CXCL13: variants seen among roughly 807,000 people sequenced by gnomAD.
CXCL13 encodes C-X-C motif chemokine 13.
In CXCL13, 7 loss-of-function variants were observed where a neutral mutation model predicts 12.2. That is an observed-to-expected ratio of 0.57 (90% CI 0.33 to 1.07). The LOEUF (loss-of-function observed/expected upper bound fraction) is 1.07, where lower values mean the gene tolerates loss of function less well. CXCL13 is among the 50% of genes least tolerant of loss of function. The pLI is 0.04. For missense variants in CXCL13, 113 were observed against 127.4 expected (o/e 0.89, Z 0.55); for synonymous variants, 47 against 42.4 (o/e 1.11, Z -0.42).
intron 1 of CXCL13, among the ~76,000 whole-genome samples, chr4:77,607,094 T>A (rs372896725): frequency 3.0e-4 from 46 of 152,348 alleles, no homozygotes; most frequent in African/African-American, 1.1e-3. Context: ...GAGAGTCTGA[T>A]AGAGAAAACT....
chr4:77,565,763 C>T (rs1021218020), intron 1 of CXCL13, among the ~76,000 whole-genome samples: 6 of 152,070 alleles, frequency 3.9e-5, no homozygotes, highest in Admixed American at 2.6e-4. Context: ...CACTTTCTAC[C>T]TCATGTTACA....
intron 1 of CXCL13, among the ~76,000 whole-genome samples, chr4:77,549,537 G>A (rs1456224548): frequency 6.6e-6 from 1 of 152,212 alleles, no homozygotes; most frequent in Admixed American, 6.5e-5. Context: ...ATGTTCTTTT[G>A]TTGATGTTGG....
intron 1 of CXCL13, among the ~76,000 whole-genome samples, chr4:77,568,587 G>C (rs1263822319): frequency 1.3e-5 from 2 of 152,190 alleles, no homozygotes; most frequent in Non-Finnish European, 2.9e-5. Flanking sequence ...GGATGCGAGA[G>C]TCATGTTGTT....
upstream of CXCL13, among the ~76,000 whole-genome samples, chr4:77,601,457 C>A (rs1726880047): frequency 6.6e-6 from 1 of 152,102 alleles, no homozygotes; most frequent in Non-Finnish European, 1.5e-5. Flanking sequence ...AACTTCAGTA[C>A]ATTTGTATGA....
At chr4:77,583,795 G>A (rs1726391364) in intron 1 of CXCL13, among the ~76,000 whole-genome samples, 1 of 152,196 alleles carries the variant, frequency 6.6e-6, no homozygotes, top group African/African-American at 2.4e-5. Context: ...AGTGGCACCT[G>A]TTAGCAATGA....
chr4:77,514,076 A>G (rs1394225021), intron 1 of CXCL13, among the ~76,000 whole-genome samples: 4 of 151,848 alleles, frequency 2.6e-5, no homozygotes, highest in Non-Finnish European at 5.9e-5. Flanking sequence ...TGTTCTTGCA[A>G]TAGTTTACTG....
chr4:77,568,381 C>A (rs1725986143), intron 1 of CXCL13, among the ~76,000 whole-genome samples: 2 of 152,176 alleles, frequency 1.3e-5, no homozygotes, highest in African/African-American at 2.4e-5. Context: ...TTCTTTATAA[C>A]CCCCTTTGTC....
chr4:77,571,506 A>G (rs1247270359), intron 1 of CXCL13, among the ~76,000 whole-genome samples: 1 of 150,982 alleles, frequency 6.6e-6, no homozygotes, highest in Non-Finnish European at 1.5e-5. Flanking sequence ...GAATGCACCA[A>G]TCGACACTCT....
chr4:77,538,508 T>C (rs79787114), intron 1 of CXCL13, among the ~76,000 whole-genome samples: 2,916 of 148,568 alleles, frequency 0.02, 87 homozygotes, highest in African/African-American at 0.052. Context: ...ACACCCACCC[T>C]CAACTTCCAC....
At chr4:77,545,356 A>G (rs889823779) in intron 1 of CXCL13, among the ~76,000 whole-genome samples, 1 of 152,070 alleles carries the variant, frequency 6.6e-6, no homozygotes, top group Non-Finnish European at 1.5e-5. Context: ...CATTTTCATG[A>G]TATTGATTCT....
intron 1 of CXCL13, among the ~76,000 whole-genome samples, chr4:77,596,830 G>T (rs1487723897): frequency 1.3e-5 from 2 of 149,534 alleles, no homozygotes; most frequent in Non-Finnish European, 3.0e-5. Flanking sequence ...AAAGAAAGAA[G>T]TCAATACCCT....
intron 1 of CXCL13, among the ~76,000 whole-genome samples, chr4:77,559,470 C>T (rs1025325609): frequency 6.6e-6 from 1 of 152,160 alleles, no homozygotes; most frequent in Non-Finnish European, 1.5e-5. Context: ...GCTGTCTTCA[C>T]CTGGAGGCAC....
intron 1 of CXCL13, among the ~76,000 whole-genome samples, chr4:77,517,627 AG>A (rs1177028566): frequency 5.3e-5 from 8 of 152,190 alleles, no homozygotes; most frequent in African/African-American, 1.9e-4. Context: ...CTAGGATTGC[AG>A]CCCCTGCCTT....
chr4:77,559,058 A>T (rs1725732945), intron 1 of CXCL13, among the ~76,000 whole-genome samples: 1 of 152,180 alleles, frequency 6.6e-6, no homozygotes, highest in African/African-American at 2.4e-5. Context: ...CCAGTATACC[A>T]TCCAACTTCA....
chr4:77,515,204 C>T (rs1724384500), intron 1 of CXCL13, among the ~76,000 whole-genome samples: 1 of 152,220 alleles, frequency 6.6e-6, no homozygotes, highest in African/African-American at 2.4e-5. Context: ...GTTTTGGTTA[C>T]TGTAGCCTTG....
At chr4:77,578,557 T>C (rs185392314) in intron 1 of CXCL13, among the ~76,000 whole-genome samples, 1 of 152,270 alleles carries the variant, frequency 6.6e-6, no homozygotes, top group Admixed American at 6.5e-5. Context: ...ATTTCATGCC[T>C]TCTGTAGGGG....
intron 3 of CXCL13, 59 bp from the exon 4 acceptor site, chr4:77,610,929 G>C (rs1727134943): frequency 6.8e-7 from 1 of 1,476,068 alleles, no homozygotes; most frequent in Admixed American, 1.7e-5. Context: ...CCAGAGGAAA[G>C]CCACAGTTTC....
intron 1 of CXCL13, among the ~76,000 whole-genome samples, chr4:77,593,689 G>C (rs1275110458): frequency 2.6e-5 from 4 of 152,206 alleles, no homozygotes. Flanking sequence ...TAAATGGTCA[G>C]TTTAAGAAGA....
intron 1 of CXCL13, among the ~76,000 whole-genome samples, chr4:77,534,771 C>T (rs571545100): frequency 3.6e-4 from 55 of 152,328 alleles, no homozygotes; most frequent in African/African-American, 1.3e-3. Flanking sequence ...TGCCTTCACA[C>T]CTGCAAAATG....
Sources: allele counts gnomAD v4.1 joint callset (sites outside exome capture counted in the v4.1 genomes callset), GRCh38; gene constraint gnomAD v4.1.1; transcripts MANE v1.5; gene names NCBI Gene and HGNC (gene_info 2026-07-23, HGNC 2026-07-21).